ADAMTSL1: variants seen among roughly 807,000 people sequenced by gnomAD.
The protein encoded by ADAMTSL1 is ADAMTS like 1.
ADAMTSL1 carries 126 observed loss-of-function variants against 201.8 expected under a neutral mutation model. The observed-to-expected ratio is 0.62, with a 90% CI of 0.54 to 0.72. The LOEUF (loss-of-function observed/expected upper bound fraction) is 0.72, where lower values mean the gene tolerates loss of function less well. ADAMTSL1 is among the 30% of genes least tolerant of loss of function. ADAMTSL1 has a pLI of 0.00. For synonymous variants in ADAMTSL1, 1,121 were observed against 903.4 expected, an observed-to-expected ratio of 1.24 and a Z score of -4.32; for missense variants, 2,679 against 2,277.8, an observed-to-expected ratio of 1.18 and a Z score of -3.59.
intron 1 of ADAMTSL1, among the ~76,000 whole-genome samples, chr9:17,999,035 T>G (rs967624411): frequency 6.6e-6 from 1 of 152,090 alleles, no homozygotes; most frequent in African/African-American, 2.4e-5. Flanking sequence ...GAAAACATTC[T>G]GCCTCTTTTT....
At chr9:18,033,074 T>G (rs1821043972) in intron 1 of ADAMTSL1, among the ~76,000 whole-genome samples, 1 of 152,212 alleles carries the variant, frequency 6.6e-6, no homozygotes. Flanking sequence ...TTCCCAATCT[T>G]ATTTTAAAAT....
chr9:18,056,174 G>C (rs1327928711), intron 1 of ADAMTSL1, among the ~76,000 whole-genome samples: 1 of 140,984 alleles, frequency 7.1e-6, no homozygotes, highest in Non-Finnish European at 1.5e-5. Flanking sequence ...TTTTTCCTCT[G>C]CCCTTCTCCT....
At chr9:18,404,338 T>C (rs574645156) in intron 2 of ADAMTSL1, among the ~76,000 whole-genome samples, 6 of 152,350 alleles carry the variant, frequency 3.9e-5, no homozygotes, top group Admixed American at 3.3e-4. Flanking sequence ...TGTGGAATCA[T>C]GGCAGTTGGT....
At chr9:18,409,765 A>G (rs1818357290) in intron 2 of ADAMTSL1, among the ~76,000 whole-genome samples, 1 of 150,394 alleles carries the variant, frequency 6.6e-6, no homozygotes, top group Admixed American at 6.6e-5. Flanking sequence ...ACATATATGT[A>G]TACATACATA....
upstream of ADAMTSL1, among the ~76,000 whole-genome samples, chr9:18,470,311 G>A (rs1394946859): frequency 1.3e-5 from 2 of 152,230 alleles, no homozygotes; most frequent in Non-Finnish European, 2.9e-5. Context: ...TGGCTTTGGT[G>A]TTAAATAGAT....
At chr9:18,322,148 TTAAAGAA>T (rs1480393528) in intron 2 of ADAMTSL1, among the ~76,000 whole-genome samples, 3 of 152,056 alleles carry the variant, frequency 2.0e-5, no homozygotes, top group African/African-American at 7.2e-5. Context: ...ATTTATAGAC[TTAAAGAA>T]TAAGAAAGGT....
At chr9:18,010,924 A>T (rs990547248) in intron 1 of ADAMTSL1, among the ~76,000 whole-genome samples, 4 of 152,060 alleles carry the variant, frequency 2.6e-5, no homozygotes, top group African/African-American at 9.7e-5. Flanking sequence ...ATATTTAAAT[A>T]ATTATAGAAT....
chr9:18,402,229 C>A (rs925823947), intron 2 of ADAMTSL1, among the ~76,000 whole-genome samples: 5 of 152,130 alleles, frequency 3.3e-5, no homozygotes, highest in Non-Finnish European at 7.4e-5. Context: ...TCTTCTACAC[C>A]AGCTGCCTAA....
intron 1 of ADAMTSL1, among the ~76,000 whole-genome samples, chr9:17,979,302 C>G (rs1818588244): frequency 6.6e-6 from 1 of 151,914 alleles, no homozygotes; most frequent in Admixed American, 6.6e-5. Context: ...TACTTTAATG[C>G]ACATATTTGT....
chr9:17,967,864 T>C (rs1452056130), intron 1 of ADAMTSL1, among the ~76,000 whole-genome samples: 2 of 152,138 alleles, frequency 1.3e-5, no homozygotes, highest in African/African-American at 2.4e-5. Flanking sequence ...GGTCTTCTTC[T>C]GTTTATTCAC....
At chr9:18,216,414 C>T (rs1316639801) in intron 2 of ADAMTSL1, among the ~76,000 whole-genome samples, 1 of 152,168 alleles carries the variant, frequency 6.6e-6, no homozygotes, top group Non-Finnish European at 1.5e-5. Flanking sequence ...CACCACAATT[C>T]TTTTGCACTT....
chr9:18,835,129 T>C (rs1268444093), intron 23 of ADAMTSL1, among the ~76,000 whole-genome samples: 1 of 152,178 alleles, frequency 6.6e-6, no homozygotes, highest in Non-Finnish European at 1.5e-5. Context: ...CACCAAAGCT[T>C]ACTGTAGTTG....
At chr9:18,827,366 T>G (rs1471026657) in intron 22 of ADAMTSL1, among the ~76,000 whole-genome samples, 2 of 152,060 alleles carry the variant, frequency 1.3e-5, no homozygotes, top group African/African-American at 4.8e-5. Flanking sequence ...ATTTAAACTT[T>G]ACACTTCTGT....
Position 18,810,604 on chromosome 9 carries a change from C to G in ADAMTSL1, c.3806-6505C>G, listed in dbSNP as rs534981318. Among the ~76,000 whole-genome samples, 5 of 152,324 alleles carry G rather than the reference C, an allele frequency of 3.3e-5. No homozygotes were observed. In the South Asian group the frequency reaches 1.0e-3, roughly 32 times the overall value. On this transcript the variant is annotated intron_variant, in intron 20 of 28. Coordinates refer to ENST00000380548, the MANE Select transcript of ADAMTSL1 (RefSeq NM_001040272.6). ...TTAAAACAAAATTAAATCCACTTAA[C>G]TTACAGAAGGTTAAGCTTGGGTTAT...
chr9:18,621,584 AC>A, intron 4 of ADAMTSL1, among the ~76,000 whole-genome samples: 1 of 120,712 alleles, frequency 8.3e-6, no homozygotes, highest in Middle Eastern at 4.7e-3. Context: ...ACACACACAC[AC>A]ACACACACAC....
intron 1 of ADAMTSL1, among the ~76,000 whole-genome samples, chr9:18,115,318 G>A (rs1056597548): frequency 6.6e-6 from 1 of 152,102 alleles, no homozygotes; most frequent in Non-Finnish European, 1.5e-5. Context: ...ACTCTACCAG[G>A]CATGCTGCAG....
chr9:18,149,142 G>A (rs1826789846), intron 1 of ADAMTSL1, among the ~76,000 whole-genome samples: 1 of 151,994 alleles, frequency 6.6e-6, no homozygotes, highest in African/African-American at 2.4e-5. Context: ...CTCTGCTAGG[G>A]CTAGAAACTG....
intron 1 of ADAMTSL1, among the ~76,000 whole-genome samples, chr9:18,476,910 T>C (rs1175451856): frequency 6.6e-6 from 1 of 152,170 alleles, no homozygotes; most frequent in South Asian, 2.1e-4. Flanking sequence ...CTTCATTCTG[T>C]CAAAATCCTT....
chr9:18,239,939 T>C (rs762700443), intron 2 of ADAMTSL1, among the ~76,000 whole-genome samples: 6 of 152,200 alleles, frequency 3.9e-5, no homozygotes, highest in Admixed American at 6.5e-5. Context: ...TTACTATTTT[T>C]ACATCTTCAG....
Sources: gnomAD v4.1 joint callset for allele counts (sites outside exome capture counted in the v4.1 genomes callset) on GRCh38, gnomAD v4.1.1 for gene constraint, MANE v1.5 for transcripts, NCBI Gene and HGNC (gene_info 2026-07-23, HGNC 2026-07-21) for gene names.